The following TUBA1C variants were observed in gnomAD, a reference collection of about 807,000 sequenced individuals.
TUBA1C encodes the protein tubulin alpha 1c.
A neutral mutation model predicts 34.9 loss-of-function variants in TUBA1C; 16 were observed. That is an observed-to-expected ratio of 0.46 (90% CI 0.31 to 0.70). The LOEUF is 0.70. TUBA1C is among the 30% of genes least tolerant of loss of function. TUBA1C has a pLI of 0.05. For missense variants in TUBA1C, 329 were observed against 587.3 expected (o/e 0.56, Z 4.55); for synonymous variants, 177 against 215.9 (o/e 0.82, Z 1.58).
intron 1 of TUBA1C, among the ~76,000 whole-genome samples, chr12:49,236,953 T>C (rs1942561349): frequency 6.6e-6 from 1 of 152,218 alleles, no homozygotes; most frequent in Non-Finnish European, 1.5e-5. Context: ...ATGCAAAGCA[T>C]GACTGTATAG....
At chr12:49,249,310 C>G (rs541708710) in intron 1 of TUBA1C, among the ~76,000 whole-genome samples, 2 of 152,048 alleles carry the variant, frequency 1.3e-5, no homozygotes, top group East Asian at 3.9e-4. Context: ...GCCTGTAATC[C>G]CAGGTACTCG....
At chr12:49,270,548 C>T (rs1025696253) in intron 3 of TUBA1C, among the ~76,000 whole-genome samples, 3 of 152,182 alleles carry the variant, frequency 2.0e-5, no homozygotes, top group African/African-American at 7.2e-5. Context: ...AGTAACTTGT[C>T]AAGAAAATCA....
intron 1 of TUBA1C, among the ~76,000 whole-genome samples, chr12:49,254,119 C>A (rs1237577959): frequency 6.6e-6 from 1 of 152,092 alleles, no homozygotes; most frequent in African/African-American, 2.4e-5. Flanking sequence ...CGAGACCAGC[C>A]TGACCAACAC....
intron 1 of TUBA1C, 81 bp downstream of exon 1, chr12:49,265,265 G>C: frequency 7.8e-7 from 1 of 1,284,266 alleles, no homozygotes. Flanking sequence ...CTGCACCTCG[G>C]GCCGCGCCCA....
intron 1 of TUBA1C, among the ~76,000 whole-genome samples, chr12:49,238,002 A>T (rs1022526764): frequency 1.3e-5 from 2 of 150,918 alleles, no homozygotes; most frequent in Admixed American, 1.3e-4. Context: ...CCAGCTACTC[A>T]GGAGGCTGAG....
chr12:49,231,682 T>TGATA (rs202021700), intron 1 of TUBA1C, among the ~76,000 whole-genome samples: 28 of 151,760 alleles, frequency 1.8e-4, no homozygotes, highest in Non-Finnish European at 2.4e-4. Context: ...AAAAAATAGA[T>TGATA]GATAGATAGA....
At chr12:49,240,296 G>GAAAA (rs201018194) in intron 1 of TUBA1C, among the ~76,000 whole-genome samples, 14 of 81,864 alleles carry the variant, frequency 1.7e-4, no homozygotes, top group South Asian at 4.0e-4. Flanking sequence ...ACCATTCTCT[G>GAAAA]AAAAAAAAAA....
intron 1 of TUBA1C, among the ~76,000 whole-genome samples, chr12:49,241,347 G>A (rs1198797152): frequency 2.6e-5 from 4 of 152,150 alleles, no homozygotes; most frequent in Non-Finnish European, 5.9e-5. Context: ...CCAGGCAAAT[G>A]TTAGGTAGGA....
intron 3 of TUBA1C, 150 bp from the exon 4 acceptor site, chr12:49,272,103 C>T: frequency 2.2e-6 from 3 of 1,372,816 alleles, no homozygotes; most frequent in South Asian, 1.6e-5. Context: ...GTGTTGATTA[C>T]AGGCGTGAGC....
intron 1 of TUBA1C, among the ~76,000 whole-genome samples, chr12:49,231,902 G>C (rs897240464): frequency 6.6e-6 from 1 of 152,194 alleles, no homozygotes; most frequent in Non-Finnish European, 1.5e-5. Context: ...CATATGTTCT[G>C]TGTCTAGCTT....
At chr12:49,262,429 T>A (rs1023721788), upstream of TUBA1C, among the ~76,000 whole-genome samples, 77 of 109,326 alleles carry the variant, frequency 7.0e-4, no homozygotes, top group Middle Eastern at 4.5e-3. Context: ...AAAAGTTTTA[T>A]AGCAAAAAAA....
chr12:49,260,440 T>C (rs1942830360), upstream of TUBA1C, among the ~76,000 whole-genome samples: 1 of 152,192 alleles, frequency 6.6e-6, no homozygotes, highest in Non-Finnish European at 1.5e-5. Flanking sequence ...GTCAATCTTC[T>C]ATGGTAATCT....
upstream of TUBA1C, among the ~76,000 whole-genome samples, chr12:49,260,547 A>T (rs1942831431): frequency 6.6e-5 from 10 of 152,334 alleles, no homozygotes; most frequent in South Asian, 2.1e-3. Context: ...CTTCTAAAGA[A>T]TTTGTAGGAA....
chr12:49,265,754 G>T (rs1052145245), intron 1 of TUBA1C, among the ~76,000 whole-genome samples: 11 of 152,150 alleles, frequency 7.2e-5, no homozygotes, highest in Non-Finnish European at 1.3e-4. Context: ...TAACTTTCAC[G>T]TTGCCTAATC....
upstream of TUBA1C, chr12:49,264,961 G>A (rs972489062): frequency 5.6e-6 from 3 of 534,888 alleles, no homozygotes; most frequent in East Asian, 1.1e-4. Flanking sequence ...GGGTGCGGCC[G>A]GGCGCAGGCC....
chr12:49,246,766 A>C (rs1429010366), intron 1 of TUBA1C, among the ~76,000 whole-genome samples: 1 of 152,228 alleles, frequency 6.6e-6, no homozygotes, highest in Non-Finnish European at 1.5e-5. Context: ...GGCTTATGGC[A>C]TTTCAGGACA....
chr12:49,248,411 A>G (rs1263948792), intron 1 of TUBA1C, among the ~76,000 whole-genome samples: 2 of 151,796 alleles, frequency 1.3e-5, no homozygotes, highest in Admixed American at 6.6e-5. Flanking sequence ...TCTACAAAAA[A>G]TACAAAAATT....
chr12:49,265,012 T>TG (rs1328701554), upstream of TUBA1C: 5 of 1,015,710 alleles, frequency 4.9e-6, no homozygotes, highest in Admixed American at 4.1e-5. Context: ...GGGCGGGGTC[T>TG]GGGGCCCGCC....
At chr12:49,242,999 GT>G (rs1406865493) in intron 1 of TUBA1C, among the ~76,000 whole-genome samples, 1 of 152,092 alleles carries the variant, frequency 6.6e-6, no homozygotes, top group African/African-American at 2.4e-5. Context: ...TAGAGACAGG[GT>G]TTTTGACATG....
Sources: allele counts gnomAD v4.1 joint callset (sites outside exome capture counted in the v4.1 genomes callset), GRCh38; gene constraint gnomAD v4.1.1; transcripts MANE v1.5; gene names NCBI Gene and HGNC (gene_info 2026-07-23, HGNC 2026-07-21).